NBPF15: variants seen among roughly 807,000 people sequenced by gnomAD.
NBPF15 encodes the protein NBPF family member NBPF15.
A neutral mutation model predicts 62.2 loss-of-function variants in NBPF15; 74 were observed. That is an observed-to-expected ratio of 1.19 (90% CI 0.99 to 1.44). The LOEUF is 1.44. Ranked by LOEUF, NBPF15 falls within the 40% of genes most tolerant of loss-of-function variation. The probability of loss-of-function intolerance (pLI) is 0.00; values close to 1 mark genes in which losing one functional copy is unlikely to be tolerated. For synonymous variants in NBPF15, 244 were observed against 209.7 expected (o/e 1.16, Z -1.41); for missense variants, 790 against 550.0 (o/e 1.44, Z -4.36).
intron 4 of NBPF15, among the ~76,000 whole-genome samples, chr1:144,456,234 G>T (rs1359147264): frequency 6.6e-6 from 1 of 150,594 alleles, no homozygotes. Context: ...CAGAGAATGG[G>T]GGGTAAGAGG....
chr1:144,441,717 G>A (rs1683043487), intron 6 of NBPF15, among the ~76,000 whole-genome samples: 1 of 151,230 alleles, frequency 6.6e-6, no homozygotes, highest in Non-Finnish European at 1.5e-5. Flanking sequence ...TCAAGTTCAT[G>A]AAACTATTTC....
intron 6 of NBPF15, 58 bp from the exon 7 acceptor site, chr1:144,440,353 G>A: frequency 2.0e-6 from 2 of 991,560 alleles, no homozygotes; most frequent in Non-Finnish European, 2.9e-6. Flanking sequence ...TAGGAGCCCT[G>A]CATTCCAATT....
In NBPF15 at chr1:144,427,887, A is replaced by G; in HGVS notation, c.1144T>C (p.Cys382Arg). Residue 382 changes from cysteine (C) to arginine (R), a missense_variant, in exon 16 of 22, where the codon TGC becomes CGC. Physicochemically the swap from Cys to Arg is radical, Grantham distance 180. Transcript: ENST00000581897. ...PSGCLELTDS[C>R]QPYRSAFYVL... Reference sequence around the variant, plus strand: ...TAAAAGGCACTTCTGTAGGGCTGGCATGAGTCAGTCAGTTCAAGACAACCT... The same window carrying G: ...TAAAAGGCACTTCTGTAGGGCTGGCGTGAGTCAGTCAGTTCAAGACAACCT... The G allele has an allele frequency of 1.6e-6, 1 of 642,362 alleles. No homozygotes were observed. Among genetic ancestry groups the G allele is most frequent in the South Asian group, 1.9e-5 (1 of 52,626 alleles). 39.8% of individuals were successfully genotyped at this position (642,362 alleles called of 1,614,324 possible). A position where few individuals can be genotyped will look rare whatever the true frequency, so the allele number is the denominator to read the frequency against.
intron 14 of NBPF15, among the ~76,000 whole-genome samples, chr1:144,429,200 C>G (rs587678521): frequency 6.6e-6 from 1 of 150,914 alleles, no homozygotes; most frequent in African/African-American, 2.5e-5. Context: ...CTAAAACAAG[C>G]GCACTTAGAA....
chr1:144,440,131 C>G lies in NBPF15; in HGVS notation c.-36+10G>C. On this transcript the variant is annotated intron_variant, in intron 7 of 21. Coordinates refer to ENST00000581897, the MANE Select transcript of NBPF15 (RefSeq NM_001385408.1). ...CTGAGGGATGTAAGTAACTGAAATTCTTAACTTACTGTTGTCAAAAATGTG... is the reference window on the plus strand; with the variant it reads ...CTGAGGGATGTAAGTAACTGAAATTGTTAACTTACTGTTGTCAAAAATGTG... 1 of 1,580,734 alleles carries G rather than the reference C, an allele frequency of 6.3e-7. No individual in the cohort carries two copies. Among genetic ancestry groups the G allele is most frequent in the Non-Finnish European group, 8.7e-7 (1 of 1,154,146 alleles).
At position 144,440,154 on chromosome 1, in the gene NBPF15, G is replaced by A; in HGVS notation, c.-49C>T. ...TTCTTAACTTACTGTTGTCAAAAAT[G>A]TGATCACTCCCCACAGCACTTTAGG... On this transcript the variant is annotated 5_prime_UTR_variant, in exon 7 of 22. Transcript: ENST00000581897. 6.3e-7 allele frequency: 1 copy of A among 1,578,350 alleles called. No homozygotes were observed. The highest frequency in any genetic ancestry group is 8.6e-7 in the Non-Finnish European group (1 of 1,156,364).
chr1:144,431,900 T>A (rs1199607308), intron 13 of NBPF15, among the ~76,000 whole-genome samples: 1 of 147,132 alleles, frequency 6.8e-6, no homozygotes, highest in Non-Finnish European at 1.5e-5. Context: ...CATTGCTGGA[T>A]ATTTGGCTTG....
At position 144,437,121 on chromosome 1, in the gene NBPF15, C is replaced by A. The variant is rs1477282042; in HGVS notation, c.279-12G>T. 6.3e-7 allele frequency: 1 copy of A among 1,592,634 alleles called. No homozygotes were observed. Among genetic ancestry groups the A allele is most frequent in the African/African-American group, 1.3e-5 (1 of 74,418 alleles). ...GGACTTTATATTGCCTAAGGTGAGA[C>A]GGTAGAGAAAATTTAAGAGTGGAAA... On this transcript the variant is annotated splice_polypyrimidine_tract_variant and intron_variant, in intron 9 of 21. Coordinates refer to ENST00000581897, the MANE Select transcript of NBPF15 (RefSeq NM_001385408.1).
At chr1:144,436,453 T>C (rs1678431862) in intron 10 of NBPF15, among the ~76,000 whole-genome samples, 1 of 151,776 alleles carries the variant, frequency 6.6e-6, no homozygotes, top group African/African-American at 2.4e-5. Context: ...ATTTGAATGC[T>C]TCAGACCCTT....
chr1:144,424,241 T>C (rs1174437714), intron 20 of NBPF15, among the ~76,000 whole-genome samples: 2 of 151,946 alleles, frequency 1.3e-5, no homozygotes, highest in African/African-American at 2.4e-5. Context: ...AGTTATGCCA[T>C]ATTTTTCCAA....
At chr1:144,440,318 A>T in intron 6 of NBPF15, 23 bp from the exon 7 acceptor site, 2 of 1,293,912 alleles carry the variant, frequency 1.5e-6, no homozygotes, top group Non-Finnish European at 2.1e-6. Flanking sequence ...TAACAGAATT[A>T]GAAGGTGGGG....
chr1:144,428,770 A>C, intron 14 of NBPF15, 113 bp from the exon 15 acceptor site: 1 of 612,652 alleles, frequency 1.6e-6, no homozygotes, highest in Non-Finnish European at 2.9e-6. Context: ...GTGTGAGAAC[A>C]GGAGACTTTG....
At chr1:144,448,013 G>A (rs114732249) in intron 6 of NBPF15, among the ~76,000 whole-genome samples, 3 of 152,036 alleles carry the variant, frequency 2.0e-5, no homozygotes, top group African/African-American at 4.8e-5. Context: ...GAGCCCACAA[G>A]CCTTAGCCAT....
intron 4 of NBPF15, among the ~76,000 whole-genome samples, chr1:144,452,501 G>A (rs1334559556): frequency 3.3e-5 from 5 of 151,418 alleles, no homozygotes; most frequent in Admixed American, 6.6e-5. Context: ...ACCCAGTCAT[G>A]GGGACCAGGG....
At chr1:144,455,703 C>T (rs1354619264) in intron 4 of NBPF15, among the ~76,000 whole-genome samples, 2 of 151,992 alleles carry the variant, frequency 1.3e-5, no homozygotes, top group Non-Finnish European at 2.9e-5. Flanking sequence ...CTGGCTCCCA[C>T]TCCCCCAGGA....
intron 4 of NBPF15, among the ~76,000 whole-genome samples, chr1:144,455,116 G>A (rs1158282724): frequency 7.0e-6 from 1 of 143,492 alleles, no homozygotes; most frequent in African/African-American, 2.6e-5. Context: ...AGGAAGGAAG[G>A]GAGGGAGGAA....
At chr1:144,432,305 T>G (rs28879974) in intron 13 of NBPF15, among the ~76,000 whole-genome samples, 13,333 of 149,926 alleles carry the variant, frequency 0.089, 1,663 homozygotes, top group African/African-American at 0.28. Flanking sequence ...GCTCCTAAAG[T>G]AAGCACTAAA....
In NBPF15 at chr1:144,453,345, G is replaced by A. The variant is rs183590626; in HGVS notation, c.-431-2475C>T. Among the ~76,000 whole-genome samples, 833 of 151,886 alleles carry A rather than the reference G, an allele frequency of 5.5e-3. 14 individuals are homozygous for A. Among genetic ancestry groups the A allele is most frequent in the Non-Finnish European group, 7.2e-3 (492 of 67,934 alleles). ...ACCCTTTATAAAATAAATCTTACACGTAAATGTAAGGTGCAAAACCATAAG... is the reference window on the plus strand; with the variant it reads ...ACCCTTTATAAAATAAATCTTACACATAAATGTAAGGTGCAAAACCATAAG... On this transcript the variant is annotated intron_variant, in intron 4 of 21. Coordinates refer to ENST00000581897, the MANE Select transcript of NBPF15 (RefSeq NM_001385408.1).
rs1681548632 is a variant in NBPF15, at chr1:144,439,894, T to G, written c.110A>C (p.Asn37Thr). 2.5e-6 allele frequency: 4 copies of G among 1,611,266 alleles called. No homozygotes were observed. In the South Asian group the frequency reaches 4.4e-5, roughly 18 times the overall value. Reference protein sequence around the residue: ...QLAEKKQQFRNLKEKCFLTQL... With the variant: ...QLAEKKQQFRTLKEKCFLTQL... ...AGTTAGAAAACATTTCTCTTTGAGG[T>G]TTCTGAACTGCTGTTTCTTCTCTGC... Residue 37 changes from asparagine to threonine, a missense_variant, in exon 8 of 22, where the codon AAC becomes ACC. Coordinates refer to ENST00000581897, the MANE Select transcript of NBPF15 (RefSeq NM_001385408.1).
Sources: gnomAD v4.1 joint callset for allele counts (sites outside exome capture counted in the v4.1 genomes callset) on GRCh38, gnomAD v4.1.1 for gene constraint, MANE v1.5 for transcripts, NCBI Gene and HGNC (gene_info 2026-07-23, HGNC 2026-07-21) for gene names.